The following RBFOX1 variants were observed in gnomAD, a reference collection of about 807,000 sequenced individuals.
RBFOX1 encodes the protein RNA binding fox-1 homolog 1, also known as RNA binding protein fox-1 homolog 1.
In RBFOX1, 8 loss-of-function variants were observed where a neutral mutation model predicts 57.7. That is an observed-to-expected ratio of 0.14 (90% CI 0.08 to 0.25). The LOEUF is 0.25. Among genes scored for constraint, RBFOX1 ranks in the 10% least tolerant of loss-of-function variants. The probability of loss-of-function intolerance (pLI) is 1.00; values close to 1 mark genes in which losing one functional copy is unlikely to be tolerated. For synonymous variants in RBFOX1, 326 were observed against 222.4 expected (o/e 1.47, Z -4.15); for missense variants, 611 against 548.5 (o/e 1.11, Z -1.14).
At chr16:6,380,700 A>G (rs1450306365) in intron 2 of RBFOX1, among the ~76,000 whole-genome samples, 1 of 150,640 alleles carries the variant, frequency 6.6e-6, no homozygotes, top group Non-Finnish European at 1.5e-5. Flanking sequence ...GGGGGCATAC[A>G]AAACCATTTC....
chr16:5,591,273 C>T (rs9928875), intron 2 of RBFOX1, among the ~76,000 whole-genome samples: 29,582 of 143,622 alleles, frequency 0.21, 3,290 homozygotes, highest in East Asian at 0.33. Flanking sequence ...TTTTTTGAGA[C>T]GGAGTTTCTC....
chr16:5,417,001 A>G (rs990817523), intron 1 of RBFOX1, among the ~76,000 whole-genome samples: 1 of 152,212 alleles, frequency 6.6e-6, no homozygotes, highest in African/African-American at 2.4e-5. Flanking sequence ...GCTGAAAATG[A>G]AAAAGTGTAG....
chr16:7,472,342 G>A (rs140325847), intron 4 of RBFOX1, among the ~76,000 whole-genome samples: 18 of 151,744 alleles, frequency 1.2e-4, no homozygotes, highest in South Asian at 4.2e-4. Flanking sequence ...GGGGATCTTC[G>A]TCAACAACAT....
At chr16:5,278,054 G>C (rs1309722059) in intron 1 of RBFOX1, among the ~76,000 whole-genome samples, 10 of 152,072 alleles carry the variant, frequency 6.6e-5, no homozygotes, top group African/African-American at 2.4e-4. Context: ...TGGTAGATCT[G>C]TTCTTAGTTT....
chr16:7,552,875 G>T (rs1184567066), intron 5 of RBFOX1, among the ~76,000 whole-genome samples: 2 of 152,086 alleles, frequency 1.3e-5, no homozygotes, highest in Admixed American at 6.5e-5. Flanking sequence ...TAGAGATGGG[G>T]TTTCACCATA....
chr16:6,121,487 C>A (rs2096548934), intron 1 of RBFOX1, among the ~76,000 whole-genome samples: 1 of 152,162 alleles, frequency 6.6e-6, no homozygotes, highest in South Asian at 2.1e-4. Flanking sequence ...ACCCAGTACC[C>A]CCAAATTCTA....
chr16:6,784,161 C>G (rs960394191), intron 3 of RBFOX1, among the ~76,000 whole-genome samples: 2 of 152,030 alleles, frequency 1.3e-5, no homozygotes, highest in African/African-American at 4.8e-5. Flanking sequence ...TGGATATTCA[C>G]TGGGTTTGAA....
intron 4 of RBFOX1, among the ~76,000 whole-genome samples, chr16:6,004,417 A>G (rs745547592): frequency 6.6e-6 from 1 of 152,208 alleles, no homozygotes; most frequent in African/African-American, 2.4e-5. Flanking sequence ...AAGATTTAGG[A>G]AAGTGTACAT....
chr16:6,500,896 T>TTGTTTGTTTGTTTG (rs1555507186), intron 2 of RBFOX1, among the ~76,000 whole-genome samples: 2,099 of 142,350 alleles, frequency 0.015, 79 homozygotes, highest in African/African-American at 0.051. Context: ...TTTTTTTTTT[T>TTGTTTGTTTGTTTG]TTTTTAATGC....
intron 3 of RBFOX1, among the ~76,000 whole-genome samples, chr16:6,810,320 A>T (rs982994906): frequency 6.6e-6 from 1 of 152,128 alleles, no homozygotes; most frequent in Non-Finnish European, 1.5e-5. Flanking sequence ...AATGAGACCC[A>T]TGAGGGCCGT....
chr16:6,706,623 C>G (rs2062790475), intron 3 of RBFOX1, among the ~76,000 whole-genome samples: 1 of 152,002 alleles, frequency 6.6e-6, no homozygotes, highest in Admixed American at 6.6e-5. Context: ...CCTGGTCTTG[C>G]CAACACTGGC....
upstream of RBFOX1, among the ~76,000 whole-genome samples, chr16:6,018,528 G>A (rs1203850685): frequency 1.3e-5 from 2 of 152,268 alleles, no homozygotes; most frequent in East Asian, 1.9e-4. Flanking sequence ...GGCCAGGAAG[G>A]GGGCAGGACA....
intron 1 of RBFOX1, among the ~76,000 whole-genome samples, chr16:6,107,287 C>T (rs1388363822): frequency 6.6e-6 from 1 of 152,098 alleles, no homozygotes; most frequent in Non-Finnish European, 1.5e-5. Flanking sequence ...GGCTTGGAGT[C>T]TTCCTTTCAC....
At chr16:6,509,402 G>A (rs1301377540) in intron 2 of RBFOX1, among the ~76,000 whole-genome samples, 1 of 152,290 alleles carries the variant, frequency 6.6e-6, no homozygotes, top group Non-Finnish European at 1.5e-5. Context: ...TGGAACTGGA[G>A]GTCATGATGC....
At chr16:7,661,887 C>A (rs182414597) in intron 12 of RBFOX1, among the ~76,000 whole-genome samples, 2 of 152,294 alleles carry the variant, frequency 1.3e-5, no homozygotes, top group Admixed American at 1.3e-4. Flanking sequence ...CAAAGCATGG[C>A]AATCAGGTTA....
At chr16:6,565,563 T>C (rs2097252970) in intron 2 of RBFOX1, among the ~76,000 whole-genome samples, 1 of 151,500 alleles carries the variant, frequency 6.6e-6, no homozygotes, top group East Asian at 1.9e-4. Flanking sequence ...AGCTCCCAGA[T>C]TCAAGCCGAT....
chr16:7,005,010 G>A (rs934820269), intron 3 of RBFOX1, among the ~76,000 whole-genome samples: 1 of 152,138 alleles, frequency 6.6e-6, no homozygotes, highest in Admixed American at 6.6e-5. Context: ...AGAGCATGAT[G>A]GTGCGTGCCT....
At chr16:7,149,884 C>A (rs948175944) in intron 4 of RBFOX1, among the ~76,000 whole-genome samples, 2 of 152,138 alleles carry the variant, frequency 1.3e-5, no homozygotes, top group Admixed American at 1.3e-4. Context: ...CTATCTGACC[C>A]CTACTCACTG....
At chr16:5,716,810 G>T (rs1239174959) in intron 3 of RBFOX1, among the ~76,000 whole-genome samples, 3 of 152,100 alleles carry the variant, frequency 2.0e-5, no homozygotes, top group African/African-American at 7.3e-5. Context: ...GAAGCTCAGC[G>T]ACTTGTCCCA....
Sources: allele counts gnomAD v4.1 joint callset (sites outside exome capture counted in the v4.1 genomes callset), GRCh38; gene constraint gnomAD v4.1.1; transcripts MANE v1.5; gene names NCBI Gene and HGNC (gene_info 2026-07-23, HGNC 2026-07-21).